The following KCNMB2 variants were observed in gnomAD, a reference collection of about 807,000 sequenced individuals.
KCNMB2 encodes the protein calcium-activated potassium channel subunit beta-2.
In KCNMB2, 9 loss-of-function variants were observed where a neutral mutation model predicts 24.5. The ratio of observed to expected loss-of-function variants is 0.37; its 90% CI spans 0.22 to 0.64. The LOEUF is 0.64. Ranked by LOEUF, KCNMB2 falls within the 30% of genes least tolerant of loss-of-function variation. The pLI is 0.63. For missense variants in KCNMB2, 226 were observed against 284.3 expected (o/e 0.79, Z 1.47); for synonymous variants, 109 against 104.4 (o/e 1.04, Z -0.27).
At chr3:178,748,723 A>G (rs1369641058) in intron 1 of KCNMB2, among the ~76,000 whole-genome samples, 1 of 152,202 alleles carries the variant, frequency 6.6e-6, no homozygotes, top group Non-Finnish European at 1.5e-5. Context: ...GCTATTGAAA[A>G]TTGAGAACCC....
At chr3:178,686,493 A>G (rs939108003) in intron 1 of KCNMB2, among the ~76,000 whole-genome samples, 1 of 151,996 alleles carries the variant, frequency 6.6e-6, no homozygotes, top group Non-Finnish European at 1.5e-5. Context: ...TGGGAAGGGC[A>G]CCTCTCAAAT....
intron 1 of KCNMB2, among the ~76,000 whole-genome samples, chr3:178,588,251 A>AG (rs1182103962): frequency 6.6e-6 from 1 of 152,148 alleles, no homozygotes; most frequent in Admixed American, 6.5e-5. Context: ...TGCAAAAAAA[A>AG]GGCCTCATTC....
intron 1 of KCNMB2, among the ~76,000 whole-genome samples, chr3:178,690,126 C>G (rs1048860815): frequency 6.6e-6 from 1 of 152,080 alleles, no homozygotes; most frequent in Non-Finnish European, 1.5e-5. Context: ...CTGTATTATG[C>G]CATCACCAAA....
chr3:178,699,939 A>C (rs866862302), intron 1 of KCNMB2, among the ~76,000 whole-genome samples: 2 of 152,192 alleles, frequency 1.3e-5, no homozygotes, highest in Non-Finnish European at 2.9e-5. Context: ...CTCCTTGCCA[A>C]TTGAACTCAC....
chr3:178,654,795 C>G (rs1045761088), intron 1 of KCNMB2, among the ~76,000 whole-genome samples: 9 of 152,216 alleles, frequency 5.9e-5, no homozygotes, highest in African/African-American at 1.9e-4. Flanking sequence ...CTGTATTGTT[C>G]TTATTGAAAA....
intron 1 of KCNMB2, among the ~76,000 whole-genome samples, chr3:178,591,562 A>G (rs1044578908): frequency 1.3e-5 from 2 of 152,166 alleles, no homozygotes; most frequent in Non-Finnish European, 2.9e-5. Context: ...ACATTGAAGA[A>G]GGGGGTACTC....
Position 178,828,432 on chromosome 3 carries a change from G to T in KCNMB2, c.423+59G>T, listed in dbSNP as rs1015443982. Reference sequence around the variant, plus strand: ...CACAGAGCTTCACACCAGGCTCTCTGCCTCTGAAGTTCCCCTTTGCCAGCA... The same window carrying T: ...CACAGAGCTTCACACCAGGCTCTCTTCCTCTGAAGTTCCCCTTTGCCAGCA... On this transcript the variant is annotated intron_variant, in intron 4 of 4. Coordinates refer to ENST00000452583, the MANE Select transcript of KCNMB2 (RefSeq NM_181361.3). The T allele has an allele frequency of 6.2e-6, 8 of 1,288,678 alleles. No individual in the cohort carries two copies. The South Asian group carries it at 9.9e-5, about 16-fold the overall frequency. 79.8% of individuals were successfully genotyped at this position (1,288,678 alleles called of 1,614,324 possible).
chr3:178,811,022 G>C (rs1404133894), intron 2 of KCNMB2, among the ~76,000 whole-genome samples: 1 of 151,468 alleles, frequency 6.6e-6, no homozygotes, highest in African/African-American at 2.4e-5. Context: ...AAAGTGCTGG[G>C]ATTACAGGCG....
At position 178,699,556 on chromosome 3, in the gene KCNMB2, G is replaced by GC. The variant is rs113254895; in HGVS notation, c.-67-107781dup. Among the ~76,000 whole-genome samples, 263 of 152,248 alleles carry GC rather than the reference G, an allele frequency of 1.7e-3. 1 individual carries two copies. Among genetic ancestry groups the GC allele is most frequent in the African/African-American group, 6.0e-3 (251 of 41,554 alleles). On this transcript the variant is annotated intron_variant, in intron 1 of 4. Coordinates refer to ENST00000452583, the MANE Select transcript of KCNMB2 (RefSeq NM_181361.3). ...TGCCAGTACAGAAGCTATGGTGTGG[G>GC]CCCCCCGGGCACCCAAAACTGCTCT...
At chr3:178,745,730 C>G (rs1577144396) in intron 1 of KCNMB2, among the ~76,000 whole-genome samples, 2 of 152,302 alleles carry the variant, frequency 1.3e-5, no homozygotes, top group Non-Finnish European at 2.9e-5. Flanking sequence ...ATACAGCCAT[C>G]CCAAATGGGA....
At chr3:178,725,468 AG>A (rs2108362144) in intron 1 of KCNMB2, among the ~76,000 whole-genome samples, 1 of 152,234 alleles carries the variant, frequency 6.6e-6, no homozygotes, top group Non-Finnish European at 1.5e-5. Context: ...TTCTGCAAAA[AG>A]ACTCCTAGAC....
At chr3:178,761,043 G>A (rs979153858) in intron 1 of KCNMB2, among the ~76,000 whole-genome samples, 1 of 152,158 alleles carries the variant, frequency 6.6e-6, no homozygotes, top group East Asian at 1.9e-4. Context: ...ATAAAAATGG[G>A]AAGGTGTGAG....
rs150861625 is a variant in KCNMB2, at chr3:178,564,192, C to A, written c.-68+27481C>A. 7.1e-3 allele frequency among the ~76,000 whole-genome samples: 1,084 copies of A among 152,010 alleles called. 13 individuals are homozygous for A. The highest frequency in any genetic ancestry group is 0.025 in the African/African-American group (1,050 of 41,452). On this transcript the variant is annotated intron_variant, in intron 1 of 4. Transcript: ENST00000452583. ...ACTCAAGAGGCTGAGGCAGGAGAAT[C>A]GCTTCAACCCGGGAGGCGGAGGTTG...
intron 1 of KCNMB2, among the ~76,000 whole-genome samples, chr3:178,676,048 A>G (rs974953274): frequency 1.3e-5 from 2 of 152,206 alleles, no homozygotes; most frequent in African/African-American, 4.8e-5. Flanking sequence ...AGTATGAGAT[A>G]GGGTCAGTAT....
chr3:178,643,541 T>A (rs892462689), intron 1 of KCNMB2, among the ~76,000 whole-genome samples: 1 of 152,180 alleles, frequency 6.6e-6, no homozygotes, highest in African/African-American at 2.4e-5. Context: ...TGCATGAGAC[T>A]TTCCTGTGCA....
chr3:178,822,892 A>C (rs965202155), intron 2 of KCNMB2, among the ~76,000 whole-genome samples: 2 of 152,210 alleles, frequency 1.3e-5, no homozygotes, highest in African/African-American at 4.8e-5. Context: ...GTGACAGTCT[A>C]ATACCCTGGA....
intron 1 of KCNMB2, among the ~76,000 whole-genome samples, chr3:178,549,607 G>A (rs1019996819): frequency 4.0e-5 from 6 of 151,762 alleles, no homozygotes; most frequent in East Asian, 1.9e-4. Flanking sequence ...GATTATAGGC[G>A]TGAACCACCA....
intron 1 of KCNMB2, among the ~76,000 whole-genome samples, chr3:178,555,529 C>G (rs1047959041): frequency 2.0e-5 from 3 of 152,130 alleles, no homozygotes; most frequent in Non-Finnish European, 2.9e-5. Context: ...CACATGTGCT[C>G]ATATGATGGG....
intron 1 of KCNMB2, among the ~76,000 whole-genome samples, chr3:178,645,913 T>C (rs1001213773): frequency 6.6e-6 from 1 of 152,158 alleles, no homozygotes; most frequent in Non-Finnish European, 1.5e-5. Flanking sequence ...TCTGATAGAA[T>C]GTCTAGTGCT....
Sources: gnomAD v4.1 joint callset for allele counts (sites outside exome capture counted in the v4.1 genomes callset) on GRCh38, gnomAD v4.1.1 for gene constraint, MANE v1.5 for transcripts, NCBI Gene and HGNC (gene_info 2026-07-23, HGNC 2026-07-21) for gene names.